KCTD13: variants seen among roughly 807,000 people sequenced by gnomAD.
KCTD13 encodes BTB/POZ domain-containing adapter for CUL3-mediated RhoA degradation protein 1.
A neutral mutation model predicts 32.3 loss-of-function variants in KCTD13; 15 were observed. That is an observed-to-expected ratio of 0.46 (90% confidence interval 0.31 to 0.71). The LOEUF (loss-of-function observed/expected upper bound fraction) is 0.71, where lower values mean the gene tolerates loss of function less well. Ranked by LOEUF, KCTD13 falls within the 30% of genes least tolerant of loss-of-function variation. The pLI is 0.05. For missense variants in KCTD13, 337 were observed against 452.6 expected (o/e 0.74, Z 2.32); for synonymous variants, 189 against 200.1 (o/e 0.94, Z 0.47).
chr16:29,911,425 G>C, intron 4 of KCTD13: 1 of 560,006 alleles, frequency 1.8e-6, no homozygotes. Flanking sequence ...ACCTCCCCGG[G>C]GGTCCTGGTG....
intron 2 of KCTD13, chr16:29,913,444 G>C (rs2068752744): frequency 6.6e-6 from 1 of 152,134 alleles, no homozygotes; most frequent in Non-Finnish European, 1.5e-5. Flanking sequence ...ATGTGCGAGG[G>C]GAATTACGGA....
chr16:29,907,268 A>C (rs1324453911), intron 5 of KCTD13, among the ~76,000 whole-genome samples, 160 bp from the exon 6 acceptor site: 1 of 152,110 alleles, frequency 6.6e-6, no homozygotes, highest in Non-Finnish European at 1.5e-5. Flanking sequence ...GCAAAGTCAT[A>C]CTTCAAGGCT....
At chr16:29,910,379 A>G (rs1260452073) in intron 5 of KCTD13, among the ~76,000 whole-genome samples, 1 of 151,788 alleles carries the variant, frequency 6.6e-6, no homozygotes, top group Non-Finnish European at 1.5e-5. Context: ...GCCTGGTGAC[A>G]CAACGAGACT....
rs1362311244 is a variant in KCTD13 at position 29,924,779 on chromosome 16, C to T, written c.244+1011G>A. The stretch of plus-strand genomic sequence containing the variant: ...TGTCGCCCAGGCTGGAGTGCAGTGG[C>T]GCTGTCTCGGCTCACTGCAACCTCC... On this transcript the variant is annotated intron_variant, in intron 1 of 5. Coordinates refer to ENST00000568000, the MANE Select transcript of KCTD13 (RefSeq NM_178863.5). 3.4e-5 allele frequency among the ~76,000 whole-genome samples: 5 copies of T among 146,700 alleles called. No individual in the cohort carries two copies. In the East Asian group the frequency reaches 7.9e-4, roughly 23 times the overall value.
rs373824500 is a variant in KCTD13 at position 29,923,371 on chromosome 16, G to A, written c.245-12C>T. 65 of 1,610,158 alleles carry A rather than the reference G, an allele frequency of 4.0e-5. 2 individuals carry two copies. In the South Asian group the frequency reaches 6.1e-4, roughly 15 times the overall value. On this transcript the variant is annotated splice_polypyrimidine_tract_variant and intron_variant, in intron 1 of 5. Coordinates refer to ENST00000568000, the MANE Select transcript of KCTD13 (RefSeq NM_178863.5). Reference sequence around the variant, plus strand: ...AATCAGCACCCAACCTAGTGGGGTGGGGAGAGGCAGGGGGAAAGATGGCTT... The same window carrying A: ...AATCAGCACCCAACCTAGTGGGGTGAGGAGAGGCAGGGGGAAAGATGGCTT...
At position 29,906,458 on chromosome 16, in the gene KCTD13, G is replaced by GT. The variant is rs1348809851; in HGVS notation, c.*413dup. On this transcript the variant is annotated 3_prime_UTR_variant, in exon 6 of 6. Coordinates refer to ENST00000568000, the MANE Select transcript of KCTD13 (RefSeq NM_178863.5). ...GCCAGTCTAGTACAAAGTTAAGGAGGTAGGGAGGATGGTGGGGAGGAGGGG... is the reference window on the plus strand; with the variant it reads ...GCCAGTCTAGTACAAAGTTAAGGAGGTTAGGGAGGATGGTGGGGAGGAGGGG... 6 of 462,090 alleles carry GT rather than the reference G, an allele frequency of 1.3e-5. No individual in the cohort carries two copies. In the East Asian group the frequency reaches 4.1e-4, roughly 31 times the overall value. The allele number at this position is 462,090 out of a possible 1,614,324, so 28.6% of individuals were successfully genotyped here.
chr16:29,909,168 C>T (rs981279003), intron 5 of KCTD13, among the ~76,000 whole-genome samples: 10 of 152,144 alleles, frequency 6.6e-5, no homozygotes, highest in Non-Finnish European at 1.2e-4. Flanking sequence ...ACTAACACCT[C>T]GCTGCTGATG....
rs201378660 is a variant in KCTD13, at chr16:29,911,364, T to TC, written c.558-192dup. The TC allele has an allele frequency of 6.8e-3, 4,084 of 602,776 alleles. 114 individuals carry two copies. The highest frequency in any genetic ancestry group is 0.063 in the African/African-American group (3,411 of 53,816). The allele number at this position is 602,776 out of a possible 1,614,324, so 37.3% of individuals were successfully genotyped here. ...AGGGAAGCCACATGCGCTGAGCAAA[T>TC]CCCAGCACAGCACAGCACAGCAGCT... is the stretch of plus-strand genomic sequence containing the variant. On this transcript the variant is annotated intron_variant, in intron 4 of 5. Coordinates refer to ENST00000568000, the MANE Select transcript of KCTD13 (RefSeq NM_178863.5).
At chr16:29,925,588 G>T in intron 1 of KCTD13, 1 of 611,322 alleles carries the variant, frequency 1.6e-6, no homozygotes, top group Non-Finnish European at 2.9e-6. Flanking sequence ...ATTGCTGGGG[G>T]TAAAGGATTG....
chr16:29,909,551 G>C (rs1188642271), intron 5 of KCTD13, among the ~76,000 whole-genome samples: 2 of 152,170 alleles, frequency 1.3e-5, no homozygotes, highest in Non-Finnish European at 2.9e-5. Context: ...ACTTAGCACA[G>C]AGCAGGGGCT....
intron 4 of KCTD13, chr16:29,911,556 T>C (rs1258963763): frequency 1.7e-6 from 1 of 590,118 alleles, no homozygotes; most frequent in East Asian, 2.8e-5. Flanking sequence ...CTCTGCCAGT[T>C]CCTAGAATGA....
chr16:29,921,295 G>A (rs2068907318), intron 2 of KCTD13: 1 of 152,156 alleles, frequency 6.6e-6, no homozygotes, highest in African/African-American at 2.4e-5. Flanking sequence ...GGAATGAAGG[G>A]AAAGAAATAA....
chr16:29,923,769 G>T (rs1208239462), intron 1 of KCTD13, among the ~76,000 whole-genome samples: 1 of 152,016 alleles, frequency 6.6e-6, no homozygotes, highest in East Asian at 1.9e-4. Flanking sequence ...CAGGAGAATC[G>T]CTTGAAGCCG....
chr16:29,911,646 G>A (rs1241328756), intron 4 of KCTD13, 169 bp downstream of exon 4: 2 of 647,026 alleles, frequency 3.1e-6, no homozygotes, highest in African/African-American at 3.6e-5. Context: ...AAGCTGAGAA[G>A]CAGAAAGGAC....
chr16:29,922,214 T>C (rs946479811), intron 2 of KCTD13: 5 of 152,090 alleles, frequency 3.3e-5, no homozygotes, highest in Non-Finnish European at 5.9e-5. Context: ...ATCAAAAAGT[T>C]TGAAAAACAT....
intron 2 of KCTD13, 109 bp from the exon 3 acceptor site, chr16:29,912,158 C>T (rs986871090): frequency 1.1e-5 from 8 of 738,888 alleles, no homozygotes; most frequent in African/African-American, 7.1e-5. Context: ...CTCAGTGGTC[C>T]GCAGGGCTCT....
rs1219952980 is a variant in KCTD13, at chr16:29,925,815, G to C, written c.219C>G (p.Arg73=). 6.2e-7 allele frequency: 1 copy of C among 1,613,794 alleles called. No homozygotes were observed. The highest frequency in any genetic ancestry group is 8.5e-7 in the Non-Finnish European group (1 of 1,179,972). ...DTMLKAMFSG[R]VEVLTDAGGW... is the part of the protein sequence containing the mutation. The stretch of plus-strand genomic sequence containing the variant: ...CTCCGGCATCGGTCAGCACCTCCAC[G>C]CGGCCGCTGAACATGGCTTTGAGCA... The change falls in exon 1 of 6, where the codon CGC becomes CGG. Residue 73 remains arginine (R), a synonymous_variant. Coordinates refer to ENST00000568000, the MANE Select transcript of KCTD13 (RefSeq NM_178863.5).
rs748629827 is a variant in KCTD13 at position 29,925,839 on chromosome 16, C to T, written c.195G>A (p.Met65Ile). The T allele has an allele frequency of 6.2e-7, 1 of 1,614,068 alleles. No individual in the cohort carries two copies. The highest frequency in any genetic ancestry group is 8.5e-7 in the Non-Finnish European group (1 of 1,179,984). Residue 65 changes from methionine (M) to isoleucine (I), a missense_variant, in exon 1 of 6, where the codon ATG becomes ATA. By Grantham distance (10) the Met-to-Ile change is conservative. Coordinates refer to ENST00000568000, the MANE Select transcript of KCTD13 (RefSeq NM_178863.5). ...TLRTLTGQDTMLKAMFSGRVE... is the reference protein window; with the variant it reads ...TLRTLTGQDTILKAMFSGRVE... ...CGCGGCCGCTGAACATGGCTTTGAGCATGGTGTCCTGTCCCGTGAGGGTGC... is the reference window on the plus strand; with the variant it reads ...CGCGGCCGCTGAACATGGCTTTGAGTATGGTGTCCTGTCCCGTGAGGGTGC...
intron 2 of KCTD13, among the ~76,000 whole-genome samples, chr16:29,916,728 TTA>T (rs1255653787): frequency 5.9e-5 from 9 of 152,156 alleles, no homozygotes; most frequent in Non-Finnish European, 1.3e-4. Context: ...AAAATAAACA[TTA>T]TCTCACATAG....
Sources: gnomAD v4.1 joint callset for allele counts (sites outside exome capture counted in the v4.1 genomes callset) on GRCh38, gnomAD v4.1.1 for gene constraint, MANE v1.5 for transcripts, NCBI Gene and HGNC (gene_info 2026-07-23, HGNC 2026-07-21) for gene names.